Variants in TP53I13 observed in about 807,000 individuals in gnomAD.
TP53I13 encodes the protein tumor protein p53-inducible protein 13.
TP53I13 carries 27 observed loss-of-function variants against 39.1 expected under a neutral mutation model. That is an observed-to-expected ratio of 0.69 (90% CI 0.51 to 0.95). The LOEUF (loss-of-function observed/expected upper bound fraction) is 0.95, where lower values mean the gene tolerates loss of function less well. Among genes scored for constraint, TP53I13 ranks in the 40% least tolerant of loss-of-function variants. The pLI is 0.00. For missense variants in TP53I13, 544 were observed against 520.4 expected (o/e 1.05, Z -0.44); for synonymous variants, 230 against 224.6 (o/e 1.02, Z -0.22).
At chr17:29,582,294 C>T in the TP53I13 span, 1 of 629,004 alleles carries the variant, frequency 1.6e-6, no homozygotes, top group Non-Finnish European at 2.8e-6. Flanking sequence ...AGGCTTCCCG[C>T]TAGGGGTTAA....
At chr17:29,567,023 C>A, upstream of TP53I13, 3 of 1,226,560 alleles carry the variant, frequency 2.4e-6, no homozygotes, top group South Asian at 1.1e-4. The surrounding 1 kb of genome is among the most constrained non-coding windows in gnomAD (Gnocchi z 6.6). Context: ...ACTCGGCGAG[C>A]TCCGCGCTTT....
At position 29,568,726 on chromosome 17, in the gene TP53I13, C is replaced by T. The variant is rs754500946; in HGVS notation, c.-33C>T. 46 of 1,425,160 alleles carry T rather than the reference C, an allele frequency of 3.2e-5. No individual in the cohort carries two copies. Among genetic ancestry groups the T allele is most frequent in the African/African-American group, 6.0e-5 (4 of 66,684 alleles). The allele number at this position is 1,425,160 out of a possible 1,614,324, so 88.3% of individuals were successfully genotyped here. A position where few individuals can be genotyped will look rare whatever the true frequency, so the allele number is the denominator to read the frequency against. On this transcript the variant is annotated 5_prime_UTR_variant, in exon 1 of 7. Transcript: ENST00000301057. This position sits in a 1 kb window ranked among gnomAD's most constrained non-coding sequence, Gnocchi z 4.5. Reference sequence around the variant, plus strand: ...GCGCGCTCCCTCGCTGGCGGAGCGGCTGGGCGGCGGGCCGGGCCCGGGGCC... The same window carrying T: ...GCGCGCTCCCTCGCTGGCGGAGCGGTTGGGCGGCGGGCCGGGCCCGGGGCC...
the TP53I13 span, chr17:29,581,385 AC>A: frequency 6.2e-7 from 1 of 1,611,690 alleles, no homozygotes; most frequent in Non-Finnish European, 8.5e-7. The surrounding 1 kb of genome is among the most constrained non-coding windows in gnomAD (Gnocchi z 4.8). Context: ...TGTGATCTGA[AC>A]AAAAATAAAA....
chr17:29,576,750 T>C, downstream of TP53I13: 2 of 1,592,902 alleles, frequency 1.3e-6, no homozygotes, highest in Non-Finnish European at 1.7e-6. Context: ...TTATTGAGGC[T>C]AGGAGCAGCC....
At chr17:29,576,793 G>T, downstream of TP53I13, 1 of 1,576,126 alleles carries the variant, frequency 6.3e-7, no homozygotes. Flanking sequence ...GCTACAAGAG[G>T]ACAGAGCTGG....
intron 6 of TP53I13, 36 bp from the exon 7 acceptor site, chr17:29,572,776 C>T: frequency 6.6e-7 from 1 of 1,523,094 alleles, no homozygotes; most frequent in Non-Finnish European, 8.8e-7. Context: ...GCTTCCCTGC[C>T]CTCCCGCCCT....
upstream of TP53I13, chr17:29,566,965 A>T: frequency 1.5e-6 from 2 of 1,372,152 alleles, no homozygotes; most frequent in Non-Finnish European, 1.9e-6. Flanking sequence ...CCACGGCGGC[A>T]TGGCGAAGCT....
Position 29,572,529 on chromosome 17 carries a change from C to G in TP53I13, c.901C>G (p.Arg301Gly), listed in dbSNP as rs1598556175. The G allele has an allele frequency of 6.2e-7, 1 of 1,607,936 alleles. No individual in the cohort carries two copies. Among genetic ancestry groups the G allele is most frequent in the Admixed American group, 1.7e-5 (1 of 59,498 alleles). ...PRAAAPPRAA[R>G]GPTPRTEEAA... ...CGCAGCAGCGCCTCCACGGGCAGCC[C>G]GGGGCCCCACCCCACGCACTGAAGA... The change falls in exon 6 of 7, where the codon CGG becomes GGG. Residue 301 changes from arginine to glycine, a missense_variant. Coordinates refer to ENST00000301057, the MANE Select transcript of TP53I13 (RefSeq NM_138349.4).
chr17:29,575,484 C>T, downstream of TP53I13: 6 of 1,594,532 alleles, frequency 3.8e-6, no homozygotes, highest in Non-Finnish European at 5.1e-6. The surrounding 1 kb of genome is among the most constrained non-coding windows in gnomAD (Gnocchi z 5.5). Flanking sequence ...AGGCCCAGGT[C>T]CAGAAAACAG....
chr17:29,580,382 T>C, the TP53I13 span, among the ~76,000 whole-genome samples: 1 of 152,224 alleles, frequency 6.6e-6, no homozygotes, highest in Non-Finnish European at 1.5e-5. Context: ...GGCCTGGTTA[T>C]GCCCATCTGC....
rs377286429 is a variant in TP53I13, at chr17:29,572,073, C to T, written c.513+16C>T. On this transcript the variant is annotated intron_variant, in intron 5 of 6. Coordinates refer to ENST00000301057, the MANE Select transcript of TP53I13 (RefSeq NM_138349.4). ...GTGTGTGCAGGTGAGAGACGCTGGGCCCAGGCTTGTTGGCCCTCGGGTTCT... is the reference window on the plus strand; with the variant it reads ...GTGTGTGCAGGTGAGAGACGCTGGGTCCAGGCTTGTTGGCCCTCGGGTTCT... The T allele has an allele frequency of 4.3e-6, 7 of 1,612,448 alleles. No homozygotes were observed. In the African/African-American group the frequency reaches 9.3e-5, roughly 22 times the overall value.
chr17:29,579,350 C>A, the TP53I13 span: 1 of 315,402 alleles, frequency 3.2e-6, no homozygotes, highest in East Asian at 6.4e-5. Flanking sequence ...TTCCACCCAG[C>A]AGCCAGGGTG....
At chr17:29,581,223 C>T in the TP53I13 span, 1 of 782,028 alleles carries the variant, frequency 1.3e-6, no homozygotes, top group South Asian at 1.4e-5. This position sits in a 1 kb window ranked among gnomAD's most constrained non-coding sequence, Gnocchi z 4.8. Context: ...CCTCTAGTCT[C>T]TGGGGGGAGG....
chr17:29,569,017 G>T lies in TP53I13; in HGVS notation c.73-1G>T. The T allele has an allele frequency of 6.2e-7, 1 of 1,609,580 alleles. No individual in the cohort carries two copies. The highest frequency in any genetic ancestry group is 8.5e-7 in the Non-Finnish European group (1 of 1,178,794). On this transcript the variant is annotated splice_acceptor_variant, in intron 1 of 6. Transcript: ENST00000301057. LOFTEE classifies it high-confidence loss of function. ...CCCAACTCTTCGCTTTGGACCCACA[G>T]GTGATGGCTGGACCGGCGGAGGAGG...
the TP53I13 span, chr17:29,578,428 C>T: frequency 3.4e-6 from 5 of 1,477,392 alleles, no homozygotes; most frequent in Non-Finnish European, 4.7e-6. Context: ...AGTGCCAAGG[C>T]CAGCTCCCCA....
chr17:29,566,608 G>A (rs1333704987), upstream of TP53I13: 4 of 1,609,050 alleles, frequency 2.5e-6, no homozygotes, highest in African/African-American at 4.0e-5. Flanking sequence ...GGCCAGCTCA[G>A]GCCCAGGCGC....
rs777469647 is a variant in TP53I13 at position 29,572,447 on chromosome 17, C to T, written c.819C>T (p.Asn273=). 2.5e-6 allele frequency: 4 copies of T among 1,576,848 alleles called. No individual in the cohort carries two copies. Among genetic ancestry groups the T allele is most frequent in the Non-Finnish European group, 3.5e-6 (4 of 1,158,614 alleles). Residue 273 remains asparagine (N), a synonymous_variant, in exon 6 of 7, where the codon AAC becomes AAT. Coordinates refer to ENST00000301057, the MANE Select transcript of TP53I13 (RefSeq NM_138349.4). ...ASSRTEAQVP[N]GQGSPGGCVC... is the part of the protein sequence containing the mutation. ...CCAGGACAGAGGCTCAGGTGCCCAA[C>T]GGGCAAGGCAGCCCAGGGGGCTGTG... is the stretch of plus-strand genomic sequence containing the variant.
At chr17:29,574,693 GGA>G (rs2033121800), downstream of TP53I13, 14 of 1,602,320 alleles carry the variant, frequency 8.7e-6, no homozygotes, top group Middle Eastern at 1.6e-4. Flanking sequence ...GAGGGTGTGG[GGA>G]GAGAGGTCAC....
downstream of TP53I13, chr17:29,575,937 C>T (rs988731611): frequency 6.4e-7 from 1 of 1,554,646 alleles, no homozygotes; most frequent in Non-Finnish European, 8.8e-7. The surrounding 1 kb of genome is among the most constrained non-coding windows in gnomAD (Gnocchi z 5.5). Context: ...TCAGTGTGCC[C>T]CACTGCCCCC....
Sources: allele counts gnomAD v4.1 joint callset (sites outside exome capture counted in the v4.1 genomes callset), GRCh38; gene constraint gnomAD v4.1.1; non-coding constraint Gnocchi (gnomAD v3.1); transcripts MANE v1.5; gene names NCBI Gene and HGNC (gene_info 2026-07-23, HGNC 2026-07-21).